NRXN1: variants seen among roughly 807,000 people sequenced by gnomAD.
The protein encoded by NRXN1 is neurexin-1.
In NRXN1, 39 loss-of-function variants were observed where a neutral mutation model predicts 150.9. The ratio of observed to expected loss-of-function variants is 0.26; its 90% CI spans 0.20 to 0.34. NRXN1 has a LOEUF of 0.34. Ranked by LOEUF, NRXN1 falls within the 10% of genes least tolerant of loss-of-function variation. NRXN1 has a pLI of 1.00. For synonymous variants in NRXN1, 924 were observed against 757.0 expected, an observed-to-expected ratio of 1.22 and a Z score of -3.62; for missense variants, 1,815 against 1,949.9, an observed-to-expected ratio of 0.93 and a Z score of 1.30.
At chr2:50,411,986 T>G (rs1304233451) in intron 17 of NRXN1, among the ~76,000 whole-genome samples, 5 of 152,230 alleles carry the variant, frequency 3.3e-5, no homozygotes, top group African/African-American at 4.8e-5. Flanking sequence ...TTCTTCTGCC[T>G]TGGGATGCTG....
At chr2:50,342,294 A>G (rs77054354) in intron 17 of NRXN1, among the ~76,000 whole-genome samples, 2,251 of 152,352 alleles carry the variant, frequency 0.015, 56 homozygotes, top group African/African-American at 0.049. Flanking sequence ...GTAGCTGGCC[A>G]TCTTGTTGAA....
chr2:50,458,515 A>T (rs2087817354), intron 17 of NRXN1, among the ~76,000 whole-genome samples: 1 of 152,190 alleles, frequency 6.6e-6, no homozygotes, highest in Non-Finnish European at 1.5e-5. Context: ...TGATCATTAC[A>T]CATTGTGTGC....
intron 18 of NRXN1, among the ~76,000 whole-genome samples, chr2:50,234,734 A>G (rs1474998270): frequency 6.6e-6 from 1 of 152,056 alleles, no homozygotes; most frequent in African/African-American, 2.4e-5. Context: ...TTTTGAAGAT[A>G]TCAAGTCCAA....
chr2:49,992,049 GAGAC>G (rs1212950438), intron 21 of NRXN1, among the ~76,000 whole-genome samples: 2 of 152,266 alleles, frequency 1.3e-5, no homozygotes, highest in Admixed American at 6.5e-5. Context: ...AAATAATTTA[GAGAC>G]AGACAATTGA....
At chr2:50,851,706 A>G (rs1674541720) in intron 5 of NRXN1, among the ~76,000 whole-genome samples, 1 of 152,180 alleles carries the variant, frequency 6.6e-6, no homozygotes, top group South Asian at 2.1e-4. Flanking sequence ...TGCAACACAC[A>G]TGGAAATAAA....
intron 18 of NRXN1, among the ~76,000 whole-genome samples, chr2:50,211,175 C>T (rs367724428): frequency 1.3e-5 from 2 of 151,430 alleles, no homozygotes; most frequent in African/African-American, 2.4e-5. Flanking sequence ...CCTCTTATAC[C>T]TTATGTAAGA....
At chr2:50,345,270 G>C (rs1286338107) in intron 17 of NRXN1, among the ~76,000 whole-genome samples, 1 of 152,118 alleles carries the variant, frequency 6.6e-6, no homozygotes, top group Non-Finnish European at 1.5e-5. Flanking sequence ...GCTTGCTAGG[G>C]GACTTGGTCT....
chr2:50,153,497 T>C (rs915844426), intron 18 of NRXN1, among the ~76,000 whole-genome samples: 1 of 151,710 alleles, frequency 6.6e-6, no homozygotes, highest in Non-Finnish European at 1.5e-5. Flanking sequence ...GGTTTGACTT[T>C]TCATTTTTGT....
At position 50,977,289 on chromosome 2, in the gene NRXN1, A is replaced by G. The variant is rs192807852; in HGVS notation, c.772+50213T>C. The stretch of plus-strand genomic sequence containing the variant: ...GGGTCAGAGATAATAATTTTGCTCA[A>G]TATTTCATAAGGAAAGAAAATCTAA... On this transcript the variant is annotated intron_variant, in intron 2 of 22. Transcript: ENST00000401669. 5.7e-4 allele frequency among the ~76,000 whole-genome samples: 87 copies of G among 152,048 alleles called. 1 individual carries two copies. Among genetic ancestry groups the G allele is most frequent in the African/African-American group, 2.0e-3 (85 of 41,546 alleles).
At chr2:50,324,646 A>G (rs2076270658) in intron 17 of NRXN1, among the ~76,000 whole-genome samples, 1 of 152,168 alleles carries the variant, frequency 6.6e-6, no homozygotes, top group Non-Finnish European at 1.5e-5. Flanking sequence ...GGTTCACGCC[A>G]TTCTCCTGCC....
intron 12 of NRXN1, among the ~76,000 whole-genome samples, chr2:50,519,649 T>C (rs957481498): frequency 2.6e-5 from 4 of 151,928 alleles, no homozygotes; most frequent in African/African-American, 2.4e-5. Flanking sequence ...AAGATTATGT[T>C]AGATTTTCTA....
chr2:50,486,497 CAT>C (rs917354407), intron 15 of NRXN1, among the ~76,000 whole-genome samples: 1 of 152,164 alleles, frequency 6.6e-6, no homozygotes, highest in Admixed American at 6.5e-5. Flanking sequence ...GGGAACTACA[CAT>C]GTTAAATTTT....
At chr2:50,010,245 T>G (rs1685436471) in intron 21 of NRXN1, among the ~76,000 whole-genome samples, 1 of 152,128 alleles carries the variant, frequency 6.6e-6, no homozygotes, top group Admixed American at 6.6e-5. Context: ...TACATTTAGA[T>G]GCTCTGTACT....
chr2:50,947,185 A>G lies in NRXN1; in HGVS notation c.773-21230T>C, dbSNP rs147609587. Among the ~76,000 whole-genome samples the G allele has an allele frequency of 2.2e-3, 328 of 152,228 alleles. 16 individuals carry two copies. In the East Asian group the frequency reaches 0.047, roughly 22 times the overall value. On this transcript the variant is annotated intron_variant, in intron 2 of 22. Coordinates refer to ENST00000401669, the MANE Select transcript of NRXN1 (RefSeq NM_001330078.2). The stretch of plus-strand genomic sequence containing the variant: ...GTTGAATCTCCCTTTGGAGCTAAAC[A>G]TAAAAATTAACCAAAATCAACTCAT...
chr2:50,344,877 G>C (rs530622280), intron 17 of NRXN1, among the ~76,000 whole-genome samples: 1 of 152,126 alleles, frequency 6.6e-6, no homozygotes, highest in South Asian at 2.1e-4. Context: ...TGTTCCACCT[G>C]CTCCATACAC....
chr2:50,576,735 T>C (rs1671497991), intron 8 of NRXN1, among the ~76,000 whole-genome samples: 1 of 152,108 alleles, frequency 6.6e-6, no homozygotes, highest in Non-Finnish European at 1.5e-5. Context: ...GGTCAGGGTA[T>C]AATATGATGG....
intron 17 of NRXN1, among the ~76,000 whole-genome samples, chr2:50,401,610 G>C (rs1220949251): frequency 6.6e-6 from 1 of 152,072 alleles, no homozygotes; most frequent in African/African-American, 2.4e-5. Flanking sequence ...TCCTACGTGA[G>C]ACGTCTTTAA....
intron 19 of NRXN1, among the ~76,000 whole-genome samples, chr2:50,059,303 A>T (rs1458815657): frequency 6.6e-6 from 1 of 152,200 alleles, no homozygotes; most frequent in Non-Finnish European, 1.5e-5. Flanking sequence ...CTTGAGAGAG[A>T]TGATTTAGAG....
At chr2:50,406,713 G>C (rs1417633109) in intron 17 of NRXN1, among the ~76,000 whole-genome samples, 2 of 152,118 alleles carry the variant, frequency 1.3e-5, no homozygotes, top group African/African-American at 4.8e-5. Context: ...AATACAGAGA[G>C]AGACAGACAG....
Sources: allele counts gnomAD v4.1 joint callset (sites outside exome capture counted in the v4.1 genomes callset), GRCh38; gene constraint gnomAD v4.1.1; transcripts MANE v1.5; gene names NCBI Gene and HGNC (gene_info 2026-07-23, HGNC 2026-07-21).